The following HIVEP3 variants were observed in gnomAD, a reference collection of about 807,000 sequenced individuals.
HIVEP3 encodes the protein transcription factor HIVEP3.
A neutral mutation model predicts 152.8 loss-of-function variants in HIVEP3; 49 were observed. That is an observed-to-expected ratio of 0.32 (90% CI 0.26 to 0.41). The LOEUF (loss-of-function observed/expected upper bound fraction) is 0.41. Ranked by LOEUF, HIVEP3 falls within the 10% of genes least tolerant of loss-of-function variation. HIVEP3 has a pLI of 1.00. For synonymous variants in HIVEP3, 1,269 were observed against 1,289.0 expected (o/e 0.98, Z 0.33); for missense variants, 2,790 against 3,103.3 (o/e 0.90, Z 2.40).
chr1:42,002,678 T>C (rs939060985), intron 1 of HIVEP3, among the ~76,000 whole-genome samples: 4 of 152,188 alleles, frequency 2.6e-5, no homozygotes, highest in Non-Finnish European at 4.4e-5. Flanking sequence ...ACTCCAGATA[T>C]GGGAACTGCC....
At chr1:41,898,575 G>A (rs1363101683) in intron 1 of HIVEP3, among the ~76,000 whole-genome samples, 2 of 152,224 alleles carry the variant, frequency 1.3e-5, no homozygotes, top group Non-Finnish European at 2.9e-5. Context: ...CATGTAAACA[G>A]ATGATACATG....
rs143722405 is a variant in HIVEP3, at chr1:41,584,288, C to G, written c.510G>C (p.Gln170His). 1 of 1,613,572 alleles carries G rather than the reference C, an allele frequency of 6.2e-7. No individual in the cohort carries two copies. Among genetic ancestry groups the G allele is most frequent in the African/African-American group, 1.3e-5 (1 of 74,868 alleles). ...CCTCTTCTGTGGGCTTCAAGGAGAC[C>G]TGGGAAGGACGAGGCACGAAGACTT... is the stretch of plus-strand genomic sequence containing the variant. ...VPKVFVPRPS[Q>H]VSLKPTEEAH... Residue 170 changes from glutamine (Q) to histidine (H), a missense_variant, in exon 4 of 9, where the codon CAG becomes CAC. By Grantham distance (24) the Gln-to-His change is conservative. This residue lies in a region of HIVEP3 where 209 missense variants were observed against 237.0 expected (regional missense o/e 0.88). Coordinates refer to ENST00000372583, the MANE Select transcript of HIVEP3 (RefSeq NM_024503.5). This position sits in a 1 kb window ranked among gnomAD's most constrained non-coding sequence, Gnocchi z 5.2.
At chr1:41,952,274 A>G (rs531874002) in intron 1 of HIVEP3, among the ~76,000 whole-genome samples, 2 of 152,316 alleles carry the variant, frequency 1.3e-5, no homozygotes, top group South Asian at 2.1e-4. Flanking sequence ...CCCATTCTCT[A>G]TCACAGATAA....
chr1:41,763,914 T>C (rs377101936), intron 1 of HIVEP3, among the ~76,000 whole-genome samples: 12 of 152,208 alleles, frequency 7.9e-5, no homozygotes, highest in East Asian at 1.9e-4. Flanking sequence ...CATCAGAGGA[T>C]TGAGTTTGGG....
chr1:41,829,703 T>C (rs988034630), intron 1 of HIVEP3, among the ~76,000 whole-genome samples: 8 of 152,000 alleles, frequency 5.3e-5, no homozygotes, highest in African/African-American at 1.9e-4. Context: ...TATATTCATA[T>C]ACATTGAACA....
intron 1 of HIVEP3, among the ~76,000 whole-genome samples, chr1:41,773,291 G>A (rs187019612): frequency 4.1e-4 from 62 of 152,348 alleles, no homozygotes; most frequent in African/African-American, 1.4e-3. Flanking sequence ...CTCAGGTCTT[G>A]TGATTCGCAG....
At chr1:41,697,048 C>T (rs939635125) in intron 2 of HIVEP3, among the ~76,000 whole-genome samples, 3 of 152,174 alleles carry the variant, frequency 2.0e-5, no homozygotes, top group African/African-American at 7.2e-5. Context: ...TCCAACCCCG[C>T]GTTGCACAGA....
intron 1 of HIVEP3, among the ~76,000 whole-genome samples, chr1:41,893,285 G>A (rs544316079): frequency 1.3e-5 from 2 of 152,318 alleles, no homozygotes; most frequent in Admixed American, 1.3e-4. Flanking sequence ...AAGGTGATAA[G>A]TGGGAACTGG....
intron 1 of HIVEP3, among the ~76,000 whole-genome samples, chr1:41,713,000 C>T (rs1390100232): frequency 6.6e-6 from 1 of 152,148 alleles, no homozygotes; most frequent in Non-Finnish European, 1.5e-5. Flanking sequence ...GTCAGACACA[C>T]GTGGTCCTTC....
chr1:41,983,867 C>T (rs1165534397), intron 1 of HIVEP3, among the ~76,000 whole-genome samples: 1 of 152,198 alleles, frequency 6.6e-6, no homozygotes, highest in Non-Finnish European at 1.5e-5. Context: ...CCATAGGCAA[C>T]AGCAGGATGT....
intron 6 of HIVEP3, among the ~76,000 whole-genome samples, chr1:41,522,151 G>C (rs1642775631): frequency 6.6e-6 from 1 of 152,212 alleles, no homozygotes; most frequent in African/African-American, 2.4e-5. Flanking sequence ...TGGCCCAATG[G>C]GGAGGCACAC....
chr1:41,597,754 A>G (rs1644687333), intron 3 of HIVEP3, among the ~76,000 whole-genome samples: 1 of 152,170 alleles, frequency 6.6e-6, no homozygotes. Context: ...CCTTTCCTTC[A>G]TAAGGGCTAA....
intron 1 of HIVEP3, among the ~76,000 whole-genome samples, chr1:41,980,136 G>A (rs990398208): frequency 6.6e-6 from 1 of 152,194 alleles, no homozygotes; most frequent in African/African-American, 2.4e-5. Flanking sequence ...GCAACCACTT[G>A]GGAAAACAAT....
chr1:41,863,276 A>G (rs765409087), intron 1 of HIVEP3, among the ~76,000 whole-genome samples: 2 of 152,214 alleles, frequency 1.3e-5, no homozygotes. Context: ...GAGGGCAGGA[A>G]AAAGCAGAGA....
At chr1:41,556,393 T>C (rs894861434) in intron 5 of HIVEP3, among the ~76,000 whole-genome samples, 9 of 152,238 alleles carry the variant, frequency 5.9e-5, no homozygotes, top group African/African-American at 2.2e-4. Context: ...TTGAATGTCT[T>C]TTCATGTGAT....
At chr1:41,868,961 A>T (rs148020925) in intron 1 of HIVEP3, among the ~76,000 whole-genome samples, 4 of 152,348 alleles carry the variant, frequency 2.6e-5, no homozygotes, top group African/African-American at 7.2e-5. Context: ...GTGAGGAAGC[A>T]ACAGTTCAGA....
chr1:41,917,201 G>C (rs1291675473), intron 1 of HIVEP3, among the ~76,000 whole-genome samples: 1 of 152,118 alleles, frequency 6.6e-6, no homozygotes, highest in Non-Finnish European at 1.5e-5. Context: ...GAGCTGTTTG[G>C]GCACACGTCT....
chr1:41,920,011 T>C (rs1372906013), upstream of HIVEP3, among the ~76,000 whole-genome samples: 1 of 152,142 alleles, frequency 6.6e-6, no homozygotes, highest in Non-Finnish European at 1.5e-5. Flanking sequence ...TCACAGCCCA[T>C]TCCCTCCCTT....
rs373184126 is a variant in HIVEP3 at position 41,513,003 on chromosome 1, G to A, written c.6218C>T (p.Ser2073Phe). 8 of 1,613,404 alleles carry A rather than the reference G, an allele frequency of 5.0e-6. No individual in the cohort carries two copies. Among genetic ancestry groups the A allele is most frequent in the Non-Finnish European group, 6.8e-6 (8 of 1,179,756 alleles). The change falls in exon 8 of 9, where the codon TCT becomes TTT. Residue 2073 changes from serine (S) to phenylalanine (F), a missense_variant. This residue lies in a region of HIVEP3 where 816 missense variants were observed against 806.5 expected (regional missense o/e 1.01). Transcript: ENST00000372583. ...TGGTGGTGACTCGGCCTGACCTGGA[G>A]ACCATCTCCTGGTGGGCGAGTATCT... is the stretch of plus-strand genomic sequence containing the variant. ...LPRYSPTRRWSPGQAESPPRS... is the reference protein window; with the variant it reads ...LPRYSPTRRWFPGQAESPPRS...
Sources: allele counts gnomAD v4.1 joint callset (sites outside exome capture counted in the v4.1 genomes callset), GRCh38; gene constraint gnomAD v4.1.1; regional missense constraint gnomAD v4.1.1; non-coding constraint Gnocchi (gnomAD v3.1); transcripts MANE v1.5; gene names NCBI Gene and HGNC (gene_info 2026-07-23, HGNC 2026-07-21).